Variants in SENP1 observed in about 807,000 individuals in gnomAD.
SENP1 encodes the protein SUMO specific peptidase 1, also known as sentrin-specific protease 1.
Under a neutral mutation model 93.0 loss-of-function variants are expected in SENP1, and 21 were observed. That is an observed-to-expected ratio of 0.23 (90% confidence interval 0.16 to 0.33). The LOEUF is 0.33. SENP1 is among the 10% of genes least tolerant of loss of function. The pLI, the probability that SENP1 is intolerant of heterozygous loss-of-function variation, is 1.00. For synonymous variants in SENP1, 256 were observed against 259.6 expected (o/e 0.99, Z 0.13); for missense variants, 591 against 758.7 (o/e 0.78, Z 2.60).
chr12:48,070,818 G>A (rs1265682876), intron 9 of SENP1, among the ~76,000 whole-genome samples: 1 of 152,212 alleles, frequency 6.6e-6, no homozygotes, highest in African/African-American at 2.4e-5. Context: ...CAGGCCGGGT[G>A]CAGTGGCTCA....
rs1944771912 is a variant in SENP1 at position 48,085,213 on chromosome 12, CT to C, written c.381-1452del. The C allele has an allele frequency of 5.9e-6, 9 of 1,524,736 alleles. No homozygotes were observed. The Admixed American group carries it at 1.3e-4, about 23-fold the overall frequency. 94.5% of individuals were successfully genotyped at this position (1,524,736 alleles called of 1,614,324 possible). Reference sequence around the variant, plus strand: ...ACGACCATCAATGAGATCGAAGACACTTTCCGGCAATTTCTAAACCGGGATG... The same window carrying C: ...ACGACCATCAATGAGATCGAAGACACTTCCGGCAATTTCTAAACCGGGATG... On this transcript the variant is annotated intron_variant, in intron 5 of 17. Transcript: ENST00000549518.
intron 6 of SENP1, among the ~76,000 whole-genome samples, chr12:48,079,373 C>T (rs913646100): frequency 2.6e-5 from 4 of 151,934 alleles, no homozygotes; most frequent in African/African-American, 9.7e-5. Flanking sequence ...GTGCTGCCCG[C>T]CTGTAGTCCC....
intron 2 of SENP1, among the ~76,000 whole-genome samples, chr12:48,100,889 G>T (rs974778712): frequency 2.0e-5 from 3 of 152,198 alleles, no homozygotes; most frequent in African/African-American, 7.2e-5. Flanking sequence ...TTAGAACAGG[G>T]TCTAGTACAC....
At position 48,046,374 on chromosome 12, in the gene SENP1, T is replaced by A. The variant is rs771460915; in HGVS notation, c.1854A>T (p.Arg618Ser). 1.5e-5 allele frequency: 24 copies of A among 1,612,504 alleles called. No homozygotes were observed. The highest frequency in any genetic ancestry group is 1.9e-5 in the Non-Finnish European group (22 of 1,178,774). The stretch of plus-strand genomic sequence containing the variant: ...AGCTCACCTGTGTGAAGTTGATTGG[T>A]CTGTCTTTGGTAATACAGTCAGCAT... Reference protein sequence around the residue: ...CKYADCITKDRPINFTQQHMP... With the variant: ...CKYADCITKDSPINFTQQHMP... The change falls in exon 17 of 18, where the codon AGA becomes AGT. Residue 618 changes from arginine to serine, a missense_variant. Physicochemically the swap from Arg to Ser is moderately radical, Grantham distance 110 (BLOSUM62 -1). Coordinates refer to ENST00000549518, the MANE Select transcript of SENP1 (RefSeq NM_001267594.2).
chr12:48,105,966 C>G, intron 1 of SENP1, 62 bp downstream of exon 1: 1 of 698,208 alleles, frequency 1.4e-6, no homozygotes, highest in Non-Finnish European at 2.6e-6. Context: ...GGGTCCGACA[C>G]AGTCTCCTGG....
chr12:48,068,935 C>A (rs536927832), intron 9 of SENP1, among the ~76,000 whole-genome samples: 2 of 151,692 alleles, frequency 1.3e-5, no homozygotes, highest in Non-Finnish European at 2.9e-5. Context: ...GGTGGAACAC[C>A]GGAGGTCAGG....
chr12:48,068,027 A>T (rs762925774), intron 9 of SENP1, among the ~76,000 whole-genome samples: 1 of 151,778 alleles, frequency 6.6e-6, no homozygotes, highest in South Asian at 2.1e-4. Context: ...CACCTGGCTA[A>T]TTTTTTCTTT....
intron 4 of SENP1, 105 bp from the exon 5 acceptor site, chr12:48,089,065 A>C: frequency 6.5e-7 from 1 of 1,536,536 alleles, no homozygotes; most frequent in Non-Finnish European, 8.8e-7. Flanking sequence ...GTGGCATGTC[A>C]CCATTTCTCT....
intron 2 of SENP1, among the ~76,000 whole-genome samples, chr12:48,099,506 A>G (rs1198281382): frequency 6.6e-6 from 1 of 152,106 alleles, no homozygotes; most frequent in Non-Finnish European, 1.5e-5. Flanking sequence ...GTTTTAACAC[A>G]AAGAAGTGCT....
chr12:48,063,904 A>C, intron 12 of SENP1, 63 bp from the exon 13 acceptor site: 1 of 1,446,680 alleles, frequency 6.9e-7, no homozygotes, highest in Non-Finnish European at 9.4e-7. Context: ...CGTATTTCTC[A>C]CCAAACCCCA....
intron 13 of SENP1, chr12:48,055,057 T>C (rs1942123443): frequency 4.5e-6 from 1 of 220,766 alleles, no homozygotes; most frequent in African/African-American, 2.3e-5. Context: ...CAGTATACAA[T>C]GTTTAGGTGC....
intron 11 of SENP1, 40 bp from the exon 12 acceptor site, chr12:48,065,260 C>T (rs776936075): frequency 6.8e-7 from 1 of 1,469,024 alleles, no homozygotes; most frequent in Non-Finnish European, 9.3e-7. Context: ...ATAAAGAAAT[C>T]TGTGGATGTT....
At chr12:48,078,320 T>TATATATATATATATATACACATAC (rs1243948897) in intron 6 of SENP1, among the ~76,000 whole-genome samples, 1 of 64,360 alleles carries the variant, frequency 1.6e-5, no homozygotes, top group African/African-American at 6.2e-5. Context: ...TAGGATTTTA[T>TATATATATATATATATACACATAC]ATATATATAT....
chr12:48,074,290 G>T, intron 8 of SENP1, 34 bp downstream of exon 8: 2 of 1,547,002 alleles, frequency 1.3e-6, no homozygotes, highest in South Asian at 1.2e-5. Flanking sequence ...TGGCTATTAG[G>T]ACTAAAAATG....
chr12:48,051,950 C>T (rs1263230808), intron 13 of SENP1, among the ~76,000 whole-genome samples: 1 of 152,228 alleles, frequency 6.6e-6, no homozygotes, highest in African/African-American at 2.4e-5. Flanking sequence ...CTGGGACCCA[C>T]ACTTGCCTCT....
chr12:48,085,060 G>C lies in SENP1; in HGVS notation c.381-1298C>G, dbSNP rs1944758351. On this transcript the variant is annotated intron_variant, in intron 5 of 17. Coordinates refer to ENST00000549518, the MANE Select transcript of SENP1 (RefSeq NM_001267594.2). ...TGGGGTGAGCTCTGCCTGGCTGCAG[G>C]GATGGCGGGGAGAAGGAAGCTCATC... The C allele has an allele frequency of 3.1e-6, 4 of 1,273,950 alleles. No homozygotes were observed. The East Asian group carries it at 7.1e-5, about 23-fold the overall frequency. The allele number at this position is 1,273,950 out of a possible 1,614,324, so 78.9% of individuals were successfully genotyped here. A position where few individuals can be genotyped will look rare whatever the true frequency, so the allele number is the denominator to read the frequency against.
At chr12:48,105,146 G>C in intron 1 of SENP1, 2 of 263,548 alleles carry the variant, frequency 7.6e-6, no homozygotes, top group Non-Finnish European at 1.6e-5. Flanking sequence ...GTTGGTAGTA[G>C]ATAAAAGGCT....
At chr12:48,048,237 A>AG (rs1941520837) in intron 14 of SENP1, among the ~76,000 whole-genome samples, 157 bp from the exon 15 acceptor site, 1 of 152,232 alleles carries the variant, frequency 6.6e-6, no homozygotes, top group South Asian at 2.1e-4. Context: ...TAATCTGTAG[A>AG]GAAAAAAAAT....
chr12:48,081,147 C>T (rs1375058051), intron 6 of SENP1, among the ~76,000 whole-genome samples: 1 of 152,116 alleles, frequency 6.6e-6, no homozygotes, highest in Non-Finnish European at 1.5e-5. Context: ...AGCCCTGTAC[C>T]CAGCTGTCAT....
Sources: gnomAD v4.1 joint callset for allele counts (sites outside exome capture counted in the v4.1 genomes callset) on GRCh38, gnomAD v4.1.1 for gene constraint, MANE v1.5 for transcripts, NCBI Gene and HGNC (gene_info 2026-07-23, HGNC 2026-07-21) for gene names.